Variants in KIAA0319L observed in about 807,000 individuals in gnomAD.
KIAA0319L encodes KIAA0319 like.
In KIAA0319L, 55 loss-of-function variants were observed where a neutral mutation model predicts 120.1. The ratio of observed to expected loss-of-function variants is 0.46; its 90% confidence interval spans 0.37 to 0.57. The LOEUF (loss-of-function observed/expected upper bound fraction) is 0.57, where lower values mean the gene tolerates loss of function less well. Among genes scored for constraint, KIAA0319L ranks in the 20% least tolerant of loss-of-function variants. KIAA0319L has a pLI of 0.00. For missense variants in KIAA0319L, 1,049 were observed against 1,255.3 expected (o/e 0.84, Z 2.48); for synonymous variants, 398 against 471.9 (o/e 0.84, Z 2.03).
chr1:35,484,851 T>G (rs1644325274), intron 3 of KIAA0319L, among the ~76,000 whole-genome samples: 3 of 142,638 alleles, frequency 2.1e-5, no homozygotes, highest in African/African-American at 2.5e-5. Context: ...CATGTGCACA[T>G]TGTGCAGGTT....
At chr1:35,510,049 G>A (rs1488770213) in intron 2 of KIAA0319L, 1 of 152,374 alleles carries the variant, frequency 6.6e-6, no homozygotes, top group Non-Finnish European at 1.5e-5. Context: ...TGGATTGAGA[G>A]GGAGGAGGTT....
chr1:35,484,793 TATATATATATA>T (rs1441834476), intron 3 of KIAA0319L, among the ~76,000 whole-genome samples: 846 of 61,124 alleles, frequency 0.014, 16 homozygotes, highest in South Asian at 0.03. Context: ...TATATATATA[TATATATATATA>T]TATTTTTTTT....
intron 13 of KIAA0319L, among the ~76,000 whole-genome samples, chr1:35,450,965 C>T (rs1337034114): frequency 6.6e-6 from 1 of 152,202 alleles, no homozygotes. Flanking sequence ...CAAGAGAAAA[C>T]AAAGAGCTAC....
chr1:35,501,072 C>T (rs1043823000), intron 3 of KIAA0319L, among the ~76,000 whole-genome samples: 1 of 152,106 alleles, frequency 6.6e-6, no homozygotes, highest in Non-Finnish European at 1.5e-5. Context: ...CAATATTCCT[C>T]CCCTCATGTC....
chr1:35,455,729 C>T (rs922180294), intron 10 of KIAA0319L, among the ~76,000 whole-genome samples: 1 of 151,614 alleles, frequency 6.6e-6, no homozygotes, highest in Non-Finnish European at 1.5e-5. Context: ...TACAGGCGCA[C>T]GCCACTACGC....
intron 2 of KIAA0319L, among the ~76,000 whole-genome samples, chr1:35,550,105 C>T (rs978628116): frequency 6.6e-6 from 1 of 152,168 alleles, no homozygotes; most frequent in Non-Finnish European, 1.5e-5. Flanking sequence ...CACAGACAGA[C>T]CATCTTTTAT....
chr1:35,537,192 T>C (rs893375127), intron 2 of KIAA0319L, among the ~76,000 whole-genome samples: 14 of 152,202 alleles, frequency 9.2e-5, no homozygotes, highest in Middle Eastern at 3.2e-3. Context: ...AATCTACCAA[T>C]TCCCTGTGTA....
In KIAA0319L at chr1:35,487,135, T is replaced by C. The variant is rs542339642; in HGVS notation, c.667-7923A>G. 4.6e-5 allele frequency among the ~76,000 whole-genome samples: 7 copies of C among 152,320 alleles called. No homozygotes were observed. The East Asian group carries it at 5.8e-4, about 13-fold the overall frequency. On this transcript the variant is annotated intron_variant, in intron 3 of 20. Transcript: ENST00000325722. ...TACATGTAGTGACTCTGGATTCTAC[T>C]ATATTTTCCTTGGGATTACTGGGGG...
At chr1:35,544,299 G>A (rs1004105999) in intron 2 of KIAA0319L, among the ~76,000 whole-genome samples, 2 of 151,038 alleles carry the variant, frequency 1.3e-5, no homozygotes, top group African/African-American at 2.4e-5. Flanking sequence ...AACCCGGAAG[G>A]TGGAAGTTAC....
At chr1:35,514,586 C>T (rs1186244752) in intron 2 of KIAA0319L, among the ~76,000 whole-genome samples, 2 of 152,088 alleles carry the variant, frequency 1.3e-5, no homozygotes, top group Non-Finnish European at 2.9e-5. Context: ...GTAGGAGTTG[C>T]AATCCTAATT....
chr1:35,457,172 TA>T (rs1409747923), intron 9 of KIAA0319L, among the ~76,000 whole-genome samples: 1 of 152,070 alleles, frequency 6.6e-6, no homozygotes, highest in Non-Finnish European at 1.5e-5. Flanking sequence ...AGAGGCTAAG[TA>T]ACCCACCCAA....
chr1:35,448,823 A>C (rs1264653265), intron 15 of KIAA0319L, among the ~76,000 whole-genome samples: 1 of 152,218 alleles, frequency 6.6e-6, no homozygotes, highest in Non-Finnish European at 1.5e-5. Flanking sequence ...CCGTCCCTCC[A>C]GGTTTAAATA....
At chr1:35,507,475 G>A (rs1645249792) in intron 2 of KIAA0319L, among the ~76,000 whole-genome samples, 1 of 152,176 alleles carries the variant, frequency 6.6e-6, no homozygotes, top group South Asian at 2.1e-4. Context: ...CATATGCAGG[G>A]AAGTGGCAAG....
At chr1:35,512,542 A>C (rs1270289302) in intron 2 of KIAA0319L, among the ~76,000 whole-genome samples, 1 of 152,076 alleles carries the variant, frequency 6.6e-6, no homozygotes, top group African/African-American at 2.4e-5. Context: ...CCACGGGAAA[A>C]AAAAGGAGTA....
chr1:35,551,394 T>C (rs1459487153), intron 2 of KIAA0319L, among the ~76,000 whole-genome samples: 1 of 152,206 alleles, frequency 6.6e-6, no homozygotes, highest in Non-Finnish European at 1.5e-5. Flanking sequence ...CTTGATTCAC[T>C]GCAACCCCCG....
intron 3 of KIAA0319L, among the ~76,000 whole-genome samples, chr1:35,499,769 G>C (rs1490914764): frequency 1.4e-5 from 2 of 142,032 alleles, no homozygotes; most frequent in Non-Finnish European, 3.1e-5. Flanking sequence ...AAGCAAACAA[G>C]TAAAAACAAG....
intron 2 of KIAA0319L, among the ~76,000 whole-genome samples, chr1:35,518,107 A>T (rs899560460): frequency 6.6e-6 from 1 of 152,244 alleles, no homozygotes; most frequent in Non-Finnish European, 1.5e-5. Context: ...GAACATTTAT[A>T]CACTGCTGGT....
At position 35,453,515 on chromosome 1, in the gene KIAA0319L, C is replaced by T; in HGVS notation, c.1913+42G>A. The T allele has an allele frequency of 6.2e-7, 1 of 1,607,030 alleles. No homozygotes were observed. The highest frequency in any genetic ancestry group is 8.5e-7 in the Non-Finnish European group (1 of 1,174,142). On this transcript the variant is annotated intron_variant, in intron 12 of 20. Coordinates refer to ENST00000325722, the MANE Select transcript of KIAA0319L (RefSeq NM_024874.5). The surrounding 1 kb of genome is among the most constrained non-coding windows in gnomAD (Gnocchi z 4.1). ...AAATAAAACCTTGCTCTTCCAAGGT[C>T]TGGAGGCTTTGCAAAAATAAGGATT...
Position 35,554,449 on chromosome 1 carries a change from T to C in KIAA0319L, c.43A>G (p.Ile15Val), listed in dbSNP as rs1012601103. 4 of 1,612,966 alleles carry C rather than the reference T, an allele frequency of 2.5e-6. No individual in the cohort carries two copies. The highest frequency in any genetic ancestry group is 3.4e-6 in the Non-Finnish European group (4 of 1,179,708). Residue 15 changes from isoleucine to valine, a missense_variant, in exon 2 of 21, where the codon ATT becomes GTT. Physicochemically the swap from Ile to Val is conservative, Grantham distance 29. Transcript: ENST00000325722. ...GTCTGCCAATAATATCCTGATAAAATCCAGGAAGCAGGATTTGGCTTGACT... is the reference window on the plus strand; with the variant it reads ...GTCTGCCAATAATATCCTGATAAAACCCAGGAAGCAGGATTTGGCTTGACT... Reference protein sequence around the residue: ...LGVKPNPASWILSGYYWQTSA... With the variant: ...LGVKPNPASWVLSGYYWQTSA...
Sources: gnomAD v4.1 joint callset for allele counts (sites outside exome capture counted in the v4.1 genomes callset) on GRCh38, gnomAD v4.1.1 for gene constraint, Gnocchi (gnomAD v3.1) non-coding constraint, MANE v1.5 for transcripts, NCBI Gene and HGNC (gene_info 2026-07-23, HGNC 2026-07-21) for gene names.